Variants in PSMD1 observed in about 807,000 individuals in gnomAD.
PSMD1 encodes proteasome 26S subunit, non-ATPase 1.
Under a neutral mutation model 119.0 loss-of-function variants are expected in PSMD1, and 18 were observed. The ratio of observed to expected loss-of-function variants is 0.15; its 90% CI spans 0.10 to 0.22. The LOEUF is 0.22. PSMD1 is among the 10% of genes least tolerant of loss of function. PSMD1 has a pLI of 1.00. For missense variants in PSMD1, 702 were observed against 1,158.5 expected, an observed-to-expected ratio of 0.61 and a Z score of 5.72; for synonymous variants, 374 against 396.6, an observed-to-expected ratio of 0.94 and a Z score of 0.68.
chr2:231,163,273 A>G (rs1170505292), intron 20 of PSMD1: 1 of 174,800 alleles, frequency 5.7e-6, no homozygotes, highest in Non-Finnish European at 1.2e-5. Context: ...TCTGGTACAA[A>G]GAAGGGAAAT....
intron 16 of PSMD1, among the ~76,000 whole-genome samples, chr2:231,098,459 CTG>C (rs991941927): frequency 5.6e-4 from 83 of 147,328 alleles, no homozygotes; most frequent in African/African-American, 2.1e-3. Flanking sequence ...CTCTCTCTCT[CTG>C]TCTCTTTCTC....
intron 16 of PSMD1, among the ~76,000 whole-genome samples, chr2:231,119,757 G>A (rs1224945003): frequency 6.6e-6 from 1 of 150,732 alleles, no homozygotes. Flanking sequence ...TGTAGTCCCA[G>A]CTACTCGGGA....
At chr2:231,090,565 A>G (rs75500589) in intron 16 of PSMD1, among the ~76,000 whole-genome samples, 3,380 of 152,300 alleles carry the variant, frequency 0.022, 137 homozygotes, top group African/African-American at 0.077. Flanking sequence ...TCTCAAAAAA[A>G]TAAATAATAA....
chr2:231,099,911 C>T (rs1012480376), intron 16 of PSMD1, among the ~76,000 whole-genome samples: 51 of 152,302 alleles, frequency 3.3e-4, no homozygotes, highest in African/African-American at 1.1e-3. Context: ...CCGGCTCCCA[C>T]GGCTTCTCCT....
At chr2:231,112,940 G>A (rs536783677) in intron 16 of PSMD1, among the ~76,000 whole-genome samples, 82 of 152,182 alleles carry the variant, frequency 5.4e-4, no homozygotes, top group African/African-American at 1.9e-3. Flanking sequence ...TGGGGCAGGG[G>A]GATCGCCAGA....
chr2:231,164,295 T>A (rs985370478), intron 21 of PSMD1, among the ~76,000 whole-genome samples: 1 of 152,234 alleles, frequency 6.6e-6, no homozygotes, highest in African/African-American at 2.4e-5. Flanking sequence ...ATGCACATTA[T>A]GTTCATAGTT....
intron 16 of PSMD1, chr2:231,124,216 A>C (rs931280774): frequency 2.9e-5 from 5 of 172,230 alleles, no homozygotes; most frequent in Admixed American, 2.8e-4. Context: ...TTCCCTTCTT[A>C]GTAAGTCTGT....
chr2:231,147,652 G>A (rs1286779597), intron 18 of PSMD1, among the ~76,000 whole-genome samples: 1 of 152,146 alleles, frequency 6.6e-6, no homozygotes, highest in Non-Finnish European at 1.5e-5. Flanking sequence ...ACTAAAATTA[G>A]CATTGATATA....
At position 231,087,554 on chromosome 2, in the gene PSMD1, T is replaced by G. The variant is rs572016112; in HGVS notation, c.1883+373T>G. On this transcript the variant is annotated intron_variant, in intron 16 of 24. Transcript: ENST00000308696. Reference sequence around the variant, plus strand: ...TTGTAAAGTTTTTGAAGGGCTTTAATGAAAGTGAAAGGTAATAGGTTTTGT... The same window carrying G: ...TTGTAAAGTTTTTGAAGGGCTTTAAGGAAAGTGAAAGGTAATAGGTTTTGT... Among the ~76,000 whole-genome samples, 12 of 152,350 alleles carry G rather than the reference T, an allele frequency of 7.9e-5. 1 individual carries two copies. In the South Asian group the frequency reaches 2.5e-3, roughly 32 times the overall value.
chr2:231,135,648 A>G (rs1255282220), intron 16 of PSMD1, among the ~76,000 whole-genome samples: 1 of 152,168 alleles, frequency 6.6e-6, no homozygotes, highest in African/African-American at 2.4e-5. Flanking sequence ...AAGAAAATCT[A>G]TCTCTAATTA....
intron 17 of PSMD1, among the ~76,000 whole-genome samples, chr2:231,140,950 C>T (rs1696092669): frequency 6.6e-6 from 1 of 152,092 alleles, no homozygotes. Context: ...GGGTGGATCA[C>T]CTGAGATCAG....
intron 14 of PSMD1, among the ~76,000 whole-genome samples, chr2:231,084,299 C>G (rs1329873488): frequency 2.0e-5 from 3 of 152,038 alleles, no homozygotes; most frequent in African/African-American, 7.3e-5. Flanking sequence ...TTATAGTGAG[C>G]AGGGATTGAA....
chr2:231,117,664 T>C (rs1695390525), intron 16 of PSMD1, among the ~76,000 whole-genome samples: 1 of 152,068 alleles, frequency 6.6e-6, no homozygotes, highest in African/African-American at 2.4e-5. Flanking sequence ...TGTCATTCAG[T>C]TATATAAATT....
chr2:231,117,997 A>T (rs1311435242), intron 16 of PSMD1, among the ~76,000 whole-genome samples: 4 of 152,216 alleles, frequency 2.6e-5, no homozygotes, highest in Non-Finnish European at 4.4e-5. Flanking sequence ...AAAGCGGAAT[A>T]ATAAAGGTTA....
rs969421162 is a variant in PSMD1 at position 231,057,185 on chromosome 2, G to C, written c.16+144G>C. 5.8e-6 allele frequency: 6 copies of C among 1,040,956 alleles called. No homozygotes were observed. In the East Asian group the frequency reaches 9.4e-5, roughly 16 times the overall value. The allele number at this position is 1,040,956 out of a possible 1,614,324, so 64.5% of individuals were successfully genotyped here. A position where few individuals can be genotyped will look rare whatever the true frequency, so the allele number is the denominator to read the frequency against. The stretch of plus-strand genomic sequence containing the variant: ...GCTGCCCAGGGCCCACCCCCGGGCC[G>C]GGGGGCTGGGAGTCTGATCAGGTCA... On this transcript the variant is annotated intron_variant, in intron 1 of 24. Coordinates refer to ENST00000308696, the MANE Select transcript of PSMD1 (RefSeq NM_002807.4).
chr2:231,123,908 T>C, intron 16 of PSMD1: 1 of 697,362 alleles, frequency 1.4e-6, no homozygotes, highest in Non-Finnish European at 2.6e-6. Context: ...AAAAAAAAAA[T>C]TCAAGTTCTC....
intron 16 of PSMD1, chr2:231,123,436 A>C (rs770406210): frequency 1.7e-5 from 28 of 1,613,774 alleles, no homozygotes; most frequent in Non-Finnish European, 2.1e-5. Flanking sequence ...CAAGAGGGCA[A>C]TTGGCATCAC....
At chr2:231,121,383 ATAAATT>A (rs1695537132) in intron 16 of PSMD1, among the ~76,000 whole-genome samples, 1 of 152,314 alleles carries the variant, frequency 6.6e-6, no homozygotes, top group Admixed American at 6.5e-5. Context: ...ATAAATAAAA[ATAAATT>A]TAAAGTTAAT....
intron 14 of PSMD1, 89 bp from the exon 15 acceptor site, chr2:231,084,930 T>A: frequency 9.8e-7 from 1 of 1,017,584 alleles, no homozygotes; most frequent in Non-Finnish European, 1.5e-6. Context: ...TGAGACCAGC[T>A]TACTTGGTGG....
Sources: gnomAD v4.1 joint callset for allele counts (sites outside exome capture counted in the v4.1 genomes callset) on GRCh38, gnomAD v4.1.1 for gene constraint, MANE v1.5 for transcripts, NCBI Gene and HGNC (gene_info 2026-07-23, HGNC 2026-07-21) for gene names.